FGD6: variants seen among roughly 807,000 people sequenced by gnomAD.
FGD6 encodes FYVE, RhoGEF and PH domain containing 6.
In FGD6, 90 loss-of-function variants were observed where a neutral mutation model predicts 149.4. The ratio of observed to expected loss-of-function variants is 0.60; its 90% CI spans 0.51 to 0.72. FGD6 has a LOEUF of 0.72. Ranked by LOEUF, FGD6 falls within the 30% of genes least tolerant of loss-of-function variation. The pLI is 0.00. For synonymous variants in FGD6, 527 were observed against 584.0 expected (o/e 0.90, Z 1.41); for missense variants, 1,437 against 1,684.8 (o/e 0.85, Z 2.57).
intron 16 of FGD6, among the ~76,000 whole-genome samples, chr12:95,092,266 C>T (rs1251328327): frequency 6.6e-6 from 1 of 152,172 alleles, no homozygotes; most frequent in Non-Finnish European, 1.5e-5. Context: ...TCTGATGTCA[C>T]TGTTTCTACA....
In FGD6 at chr12:95,093,967, T is replaced by C. The variant is rs375627915; in HGVS notation, c.3600+625A>G. Among the ~76,000 whole-genome samples, 143 of 151,574 alleles carry C rather than the reference T, an allele frequency of 9.4e-4. 1 individual carries two copies. Among genetic ancestry groups the C allele is most frequent in the African/African-American group, 3.1e-3 (128 of 41,330 alleles). On this transcript the variant is annotated intron_variant, in intron 15 of 20. Transcript: ENST00000343958. Reference sequence around the variant, plus strand: ...CAGAGGTCAGGAGTTTGAGACCTGCTTGGCCAACATGGTGAAACCCCATCT... The same window carrying C: ...CAGAGGTCAGGAGTTTGAGACCTGCCTGGCCAACATGGTGAAACCCCATCT...
rs1425538001 is a variant in FGD6, at chr12:95,209,589, T to C, written c.1695A>G (p.Pro565=). ...AAATAGGATGAGGTAACTTCCACAC[T>C]GGCTTTTCTGAAGCCCGTTTAGGCA... ...FDMPKRASEK[P]VWKLPHPILP... Residue 565 remains proline (P), a synonymous_variant, in exon 2 of 21, where the codon CCA becomes CCG. Coordinates refer to ENST00000343958, the MANE Select transcript of FGD6 (RefSeq NM_018351.4). The C allele has an allele frequency of 3.7e-6, 6 of 1,614,046 alleles. No individual in the cohort carries two copies. The highest frequency in any genetic ancestry group is 5.1e-6 in the Non-Finnish European group (6 of 1,179,994).
At chr12:95,154,425 G>T (rs980915835) in intron 3 of FGD6, among the ~76,000 whole-genome samples, 1 of 152,110 alleles carries the variant, frequency 6.6e-6, no homozygotes, top group African/African-American at 2.4e-5. Context: ...TCGAGAGTTG[G>T]ATTTAGTTCC....
intron 5 of FGD6, among the ~76,000 whole-genome samples, chr12:95,145,698 G>C (rs1483488985): frequency 6.6e-6 from 1 of 152,044 alleles, no homozygotes; most frequent in African/African-American, 2.4e-5. Flanking sequence ...TTGTTTTTGA[G>C]ATGGAGTTTT....
At chr12:95,175,581 C>T (rs1008143255) in intron 2 of FGD6, among the ~76,000 whole-genome samples, 4 of 151,888 alleles carry the variant, frequency 2.6e-5, no homozygotes, top group African/African-American at 7.3e-5. Flanking sequence ...CCTGTCTCTA[C>T]TAAAAATACA....
rs781195109 is a variant in FGD6 at position 95,092,811 on chromosome 12, A to C, written c.3635T>G (p.Leu1212Arg). 6.2e-7 allele frequency: 1 copy of C among 1,613,860 alleles called. No individual in the cohort carries two copies. Among genetic ancestry groups the C allele is most frequent in the South Asian group, 1.1e-5 (1 of 90,948 alleles). Residue 1212 changes from leucine (L) to arginine (R), a missense_variant, in exon 16 of 21, where the codon CTT becomes CGT. Transcript: ENST00000343958. ...AATCCAGATGGGAGCCTTCGATCCA[A>C]GAGGACTAACTTCTTCTTTATTTTC... Reference protein sequence around the residue: ...DSENKEEVSPLGSKAPIWIPD... With the variant: ...DSENKEEVSPRGSKAPIWIPD...
rs190212694 is a variant in FGD6, at chr12:95,091,031, G to A, written c.3850+676C>T. 6.0e-4 allele frequency among the ~76,000 whole-genome samples: 92 copies of A among 152,258 alleles called. 1 individual carries two copies. The highest frequency in any genetic ancestry group is 2.3e-3 in the Admixed American group (35 of 15,284). On this transcript the variant is annotated intron_variant, in intron 17 of 20. Coordinates refer to ENST00000343958, the MANE Select transcript of FGD6 (RefSeq NM_018351.4). ...GTACGAGAATCGCTTGAACCCGAGA[G>A]GCAGAGGTTGCATATTGTGTCACTG...
intron 2 of FGD6, among the ~76,000 whole-genome samples, chr12:95,191,951 T>C (rs1460740520): frequency 2.6e-5 from 4 of 152,162 alleles, no homozygotes; most frequent in Non-Finnish European, 4.4e-5. Context: ...TTGGCCAGGC[T>C]GGTCTCGAAC....
intron 3 of FGD6, among the ~76,000 whole-genome samples, chr12:95,155,420 C>T (rs950988559): frequency 2.6e-5 from 4 of 152,010 alleles, no homozygotes; most frequent in African/African-American, 9.7e-5. Context: ...CCCAGCTACT[C>T]GGGAGGCTGA....
At chr12:95,167,449 C>A in intron 3 of FGD6, among the ~76,000 whole-genome samples, 1 of 152,126 alleles carries the variant, frequency 6.6e-6, no homozygotes, top group East Asian at 1.9e-4. Flanking sequence ...CTCACTGAAG[C>A]ATTGCTTTGT....
chr12:95,103,453 A>G (rs1277233473), intron 14 of FGD6, among the ~76,000 whole-genome samples: 1 of 152,184 alleles, frequency 6.6e-6, no homozygotes, highest in Admixed American at 6.6e-5. Flanking sequence ...CTTGAATTAC[A>G]TTATGGCAAC....
rs544139137 is a variant in FGD6, at chr12:95,079,031, A to G, written c.*2489T>C. On this transcript the variant is annotated 3_prime_UTR_variant, in exon 21 of 21. Coordinates refer to ENST00000343958, the MANE Select transcript of FGD6 (RefSeq NM_018351.4). Reference sequence around the variant, plus strand: ...CTGTGCCCAATATCATTTTTCCTCTAAAATACTAGCAAAATATATTTTTAT... The same window carrying G: ...CTGTGCCCAATATCATTTTTCCTCTGAAATACTAGCAAAATATATTTTTAT... The G allele has an allele frequency of 6.6e-6, 1 of 152,198 alleles. No individual in the cohort carries two copies. Among genetic ancestry groups the G allele is most frequent in the East Asian group, 1.9e-4 (1 of 5,204 alleles). 9.4% of individuals were successfully genotyped at this position (152,198 alleles called of 1,614,324 possible).
chr12:95,192,223 T>C (rs1159827623), intron 2 of FGD6, among the ~76,000 whole-genome samples: 3 of 152,148 alleles, frequency 2.0e-5, no homozygotes, highest in Admixed American at 1.3e-4. Flanking sequence ...TCCATGGGTG[T>C]GCAACTGATG....
At chr12:95,100,844 G>A (rs551959051) in intron 14 of FGD6, 5 of 389,428 alleles carry the variant, frequency 1.3e-5, no homozygotes, top group African/African-American at 1.1e-4. Context: ...GTCTTGTTGG[G>A]CATGCTGGAT....
intron 3 of FGD6, among the ~76,000 whole-genome samples, chr12:95,162,130 G>A (rs1407289523): frequency 1.3e-5 from 2 of 150,920 alleles, no homozygotes; most frequent in South Asian, 4.2e-4. Context: ...GCCAGGCATG[G>A]TGGCATGTGC....
rs370727258 is a variant in FGD6 at position 95,121,011 on chromosome 12, G to T, written c.3083-7310C>A. Reference sequence around the variant, plus strand: ...GTGCTGAAATGAAAATTTCCTAGAGGTATATTTTCTGATGTGCTGTTTGCC... The same window carrying T: ...GTGCTGAAATGAAAATTTCCTAGAGTTATATTTTCTGATGTGCTGTTTGCC... On this transcript the variant is annotated intron_variant, in intron 8 of 20. Coordinates refer to ENST00000343958, the MANE Select transcript of FGD6 (RefSeq NM_018351.4). 1.4e-4 allele frequency among the ~76,000 whole-genome samples: 21 copies of T among 151,930 alleles called. No individual in the cohort carries two copies. In the East Asian group the frequency reaches 1.5e-3, roughly 11 times the overall value.
At chr12:95,201,471 C>T (rs538984347) in intron 2 of FGD6, among the ~76,000 whole-genome samples, 9 of 152,182 alleles carry the variant, frequency 5.9e-5, no homozygotes, top group African/African-American at 9.6e-5. Context: ...TTCTTGTGGG[C>T]GGGCTGGGAA....
intron 3 of FGD6, among the ~76,000 whole-genome samples, chr12:95,166,617 C>T (rs1250864701): frequency 1.3e-5 from 2 of 151,916 alleles, no homozygotes; most frequent in Non-Finnish European, 2.9e-5. Flanking sequence ...GACGAGAGAT[C>T]ACTTGAGTCA....
At chr12:95,160,698 A>T (rs1418846223) in intron 3 of FGD6, among the ~76,000 whole-genome samples, 2 of 152,208 alleles carry the variant, frequency 1.3e-5, no homozygotes, top group African/African-American at 4.8e-5. Flanking sequence ...TTTAATATAA[A>T]TTACTGACAA....
Sources: gnomAD v4.1 joint callset for allele counts (sites outside exome capture counted in the v4.1 genomes callset) on GRCh38, gnomAD v4.1.1 for gene constraint, MANE v1.5 for transcripts, NCBI Gene and HGNC (gene_info 2026-07-23, HGNC 2026-07-21) for gene names.